The following RBM19 variants were observed in gnomAD, a reference collection of about 807,000 sequenced individuals.
RBM19 encodes RNA binding motif protein 19.
RBM19 carries 94 observed loss-of-function variants against 116.8 expected under a neutral mutation model. The observed-to-expected ratio is 0.80, with a 90% CI of 0.68 to 0.95. The LOEUF is 0.95. Ranked by LOEUF, RBM19 falls within the 40% of genes least tolerant of loss-of-function variation. The probability of loss-of-function intolerance (pLI) is 0.00; values close to 1 mark genes in which losing one functional copy is unlikely to be tolerated. For missense variants in RBM19, 1,161 were observed against 1,220.7 expected, an observed-to-expected ratio of 0.95 and a Z score of 0.73; for synonymous variants, 475 against 494.1, an observed-to-expected ratio of 0.96 and a Z score of 0.51.
At chr12:113,924,902 T>G in intron 17 of RBM19, 145 bp from the exon 18 acceptor site, 1 of 683,674 alleles carries the variant, frequency 1.5e-6, no homozygotes, top group Non-Finnish European at 2.7e-6. Context: ...ATGACCTCCT[T>G]TAAGTAACCT....
intron 19 of RBM19, 63 bp downstream of exon 19, chr12:113,920,548 G>A: frequency 7.0e-7 from 1 of 1,423,442 alleles, no homozygotes; most frequent in African/African-American, 1.4e-5. Context: ...TCAGAGGGCT[G>A]ACGGGACCTC....
At chr12:113,845,485 C>T (rs546439835) in intron 22 of RBM19, among the ~76,000 whole-genome samples, 1 of 152,226 alleles carries the variant, frequency 6.6e-6, no homozygotes, top group South Asian at 2.1e-4. Context: ...ACTATATACA[C>T]TGCTTGTCTG....
At position 113,844,764 on chromosome 12, in the gene RBM19, T is replaced by C. The variant is rs768970344; in HGVS notation, c.2689A>G (p.Ser897Gly). The change falls in exon 23 of 24, where the codon AGC becomes GGC. Residue 897 changes from serine to glycine, a missense_variant. Physicochemically the swap from Ser to Gly is moderately conservative, Grantham distance 56 (BLOSUM62 0). Coordinates refer to ENST00000261741, the MANE Select transcript of RBM19 (RefSeq NM_016196.4). ...AGCCTCCGCCCGTACAAGTGGGTGC[T>C]GTGACACAGGGCGTTGAAGGCTCTC... Reference protein sequence around the residue: ...AKRAFNALCHSTHLYGRRLVL... With the variant: ...AKRAFNALCHGTHLYGRRLVL... The C allele has an allele frequency of 6.2e-7, 1 of 1,613,248 alleles. No homozygotes were observed. Among genetic ancestry groups the C allele is most frequent in the Non-Finnish European group, 8.5e-7 (1 of 1,179,654 alleles).
intron 22 of RBM19, among the ~76,000 whole-genome samples, chr12:113,849,410 G>T (rs1384866190): frequency 6.6e-6 from 1 of 152,216 alleles, no homozygotes; most frequent in African/African-American, 2.4e-5. Context: ...GGGGACGCAG[G>T]GCTGGCTTAG....
intron 18 of RBM19, among the ~76,000 whole-genome samples, chr12:113,921,617 T>C (rs1228417378): frequency 6.6e-6 from 1 of 152,136 alleles, no homozygotes; most frequent in African/African-American, 2.4e-5. Context: ...CCAACTGCAT[T>C]AAGGAATTCC....
chr12:113,845,198 T>C (rs1876854753), intron 22 of RBM19, among the ~76,000 whole-genome samples: 1 of 152,156 alleles, frequency 6.6e-6, no homozygotes, highest in South Asian at 2.1e-4. Flanking sequence ...CCTCTGGGTG[T>C]CACTGGGTGT....
intron 22 of RBM19, among the ~76,000 whole-genome samples, chr12:113,847,728 C>G (rs1261269066): frequency 1.3e-5 from 2 of 152,172 alleles, no homozygotes; most frequent in Non-Finnish European, 2.9e-5. Flanking sequence ...CCAACCCCAG[C>G]CTCTCTGTTT....
intron 14 of RBM19, 152 bp from the exon 15 acceptor site, chr12:113,940,312 C>G: frequency 1.3e-6 from 1 of 769,148 alleles, no homozygotes; most frequent in Non-Finnish European, 2.1e-6. Context: ...AGGAACGACC[C>G]TCTCTGGCAT....
rs144233404 is a variant in RBM19, at chr12:113,960,095, C to T, written c.303G>A (p.Gln101=). Residue 101 remains glutamine (Q), a synonymous_variant, in exon 3 of 24, where the codon CAG becomes CAA. Transcript: ENST00000261741. ...KHAQKPSQPK[Q]PPKDSTTPEI... The stretch of plus-strand genomic sequence containing the variant: ...CTGGAGTAGTAGAGTCTTTTGGAGG[C>T]TGCTTGGGCTGGCTTGGTTTCTGGG... 1.5e-4 allele frequency: 235 copies of T among 1,614,068 alleles called. 2 individuals carry two copies. Among genetic ancestry groups the T allele is most frequent in the Middle Eastern group, 1.6e-4 (1 of 6,076 alleles).
rs144473161 is a variant in RBM19, at chr12:113,940,053, G to T, written c.1845C>A (p.Arg615=). The T allele has an allele frequency of 6.2e-7, 1 of 1,614,022 alleles. No homozygotes were observed. Among genetic ancestry groups the T allele is most frequent in the South Asian group, 1.1e-5 (1 of 91,084 alleles). ...TGATTCCGCCCTCTGGCAGCAGCAC[G>T]CGGCCCAGGCTGCCAAAATGGCCGA... ...ETFGHFGSLG[R]VLLPEGGITA... is the part of the protein sequence containing the mutation. The change falls in exon 15 of 24, where the codon CGC becomes CGA. Residue 615 remains arginine, a synonymous_variant. Coordinates refer to ENST00000261741, the MANE Select transcript of RBM19 (RefSeq NM_016196.4).
intron 21 of RBM19, among the ~76,000 whole-genome samples, chr12:113,904,179 C>T (rs1029016581): frequency 6.6e-6 from 1 of 152,164 alleles, no homozygotes; most frequent in African/African-American, 2.4e-5. Flanking sequence ...GGAGGTAGAG[C>T]ACTGAGCTCC....
chr12:113,949,063 AG>A, intron 9 of RBM19, 27 bp from the exon 10 acceptor site: 1 of 1,593,648 alleles, frequency 6.3e-7, no homozygotes, highest in Non-Finnish European at 8.6e-7. Flanking sequence ...TCAGGGCTCC[AG>A]GGGGAGGCCT....
intron 21 of RBM19, among the ~76,000 whole-genome samples, chr12:113,873,999 C>G (rs1388823535): frequency 6.6e-6 from 1 of 152,204 alleles, no homozygotes; most frequent in African/African-American, 2.4e-5. Flanking sequence ...CACCGCCCTG[C>G]TAAATGGAAA....
rs924398245 is a variant in RBM19, at chr12:113,942,360, G to A, written c.1701C>T (p.Leu567=). The change falls in exon 14 of 24, where the codon CTC becomes CTT. Residue 567 remains leucine (L), a synonymous_variant. Coordinates refer to ENST00000261741, the MANE Select transcript of RBM19 (RefSeq NM_016196.4). ...AATCCAGGCTGACCCCGTTGTCTAT[G>A]AGAAAACGCCGCACTTCCTGGACGA... The part of the protein sequence containing the change: ...TQLVQEVRRF[L]IDNGVSLDSF... 3 of 1,608,750 alleles carry A rather than the reference G, an allele frequency of 1.9e-6. No homozygotes were observed. Among genetic ancestry groups the A allele is most frequent in the African/African-American group, 1.3e-5 (1 of 74,866 alleles).
chr12:113,914,189 T>C (rs990772844), intron 21 of RBM19, among the ~76,000 whole-genome samples: 2 of 152,374 alleles, frequency 1.3e-5, no homozygotes, highest in Admixed American at 6.5e-5. Flanking sequence ...ATGGCTGGTT[T>C]CTCTTTCAAA....
At chr12:113,820,245 TA>T (rs10667485), downstream of RBM19, among the ~76,000 whole-genome samples, 106 of 140,032 alleles carry the variant, frequency 7.6e-4, 1 homozygote, top group East Asian at 0.016. Context: ...ACTGATGAAC[TA>T]AAAAAAAAAA....
rs751722427 is a variant in RBM19, at chr12:113,950,074, C to A, written c.1072+9G>T. 1 of 1,592,560 alleles carries A rather than the reference C, an allele frequency of 6.3e-7. No homozygotes were observed. The highest frequency in any genetic ancestry group is 1.3e-5 in the African/African-American group (1 of 74,438). On this transcript the variant is annotated intron_variant, in intron 9 of 23. Transcript: ENST00000261741. Reference sequence around the variant, plus strand: ...ACACAGAGAGAGCACATGGCCAGGGCTTCCTTACCCATGTACTCCCGGTTG... The same window carrying A: ...ACACAGAGAGAGCACATGGCCAGGGATTCCTTACCCATGTACTCCCGGTTG...
chr12:113,855,783 C>T (rs548583197), intron 22 of RBM19, among the ~76,000 whole-genome samples: 3 of 152,294 alleles, frequency 2.0e-5, no homozygotes, highest in South Asian at 4.1e-4. Context: ...TTCAAACTCA[C>T]GCCCACCCTC....
In RBM19 at chr12:113,947,224, G is replaced by A. The variant is rs1248369175; in HGVS notation, c.1407+110C>T. The A allele has an allele frequency of 3.0e-6, 4 of 1,349,664 alleles. No homozygotes were observed. In the South Asian group the frequency reaches 7.1e-5, roughly 24 times the overall value. 83.6% of individuals were successfully genotyped at this position (1,349,664 alleles called of 1,614,324 possible). On this transcript the variant is annotated intron_variant, in intron 11 of 23. Transcript: ENST00000261741. Reference sequence around the variant, plus strand: ...TAGCATGCCATTGCACATTTTCTTAGGCCCACAAAGTGGACGCCCGTGTCC... The same window carrying A: ...TAGCATGCCATTGCACATTTTCTTAAGCCCACAAAGTGGACGCCCGTGTCC...
Sources: allele counts gnomAD v4.1 joint callset (sites outside exome capture counted in the v4.1 genomes callset), GRCh38; gene constraint gnomAD v4.1.1; transcripts MANE v1.5; gene names NCBI Gene and HGNC (gene_info 2026-07-23, HGNC 2026-07-21).